Variants in EPHA6 observed in about 807,000 individuals in gnomAD.
EPHA6 encodes ephrin type-A receptor 6.
In EPHA6, 50 loss-of-function variants were observed where a neutral mutation model predicts 112.0. The observed-to-expected ratio is 0.45, with a 90% CI of 0.36 to 0.56. EPHA6 has a LOEUF of 0.56. EPHA6 is among the 20% of genes least tolerant of loss of function. The pLI is 0.00. For synonymous variants in EPHA6, 529 were observed against 490.7 expected (o/e 1.08, Z -1.03); for missense variants, 1,280 against 1,417.4 (o/e 0.90, Z 1.56).
chr3:97,574,271 G>A (rs961312421), intron 11 of EPHA6, among the ~76,000 whole-genome samples: 3 of 152,092 alleles, frequency 2.0e-5, no homozygotes, highest in African/African-American at 7.2e-5. Context: ...CTAATAGAAT[G>A]CTAATACCAT....
chr3:97,168,513 C>G (rs1370637324), intron 3 of EPHA6, among the ~76,000 whole-genome samples: 2 of 151,986 alleles, frequency 1.3e-5, no homozygotes, highest in Non-Finnish European at 2.9e-5. Flanking sequence ...CTTTTTCTCT[C>G]TCTGTGTTTC....
rs201543430 is a variant in EPHA6 at position 97,637,935 on chromosome 3, C to A, written c.2637C>A (p.Gly879=). 2.5e-6 allele frequency: 4 copies of A among 1,613,904 alleles called. No homozygotes were observed. The highest frequency in any genetic ancestry group is 1.7e-5 in the Admixed American group (1 of 60,012). ...GAATGCTCCGAGGCATTGCATCAGG[C>A]ATGAAGTATCTTTCTGATATGGGTT... is the stretch of plus-strand genomic sequence containing the variant. ...LVGMLRGIAS[G]MKYLSDMGYV... The change falls in exon 14 of 18, where the codon GGC becomes GGA. Residue 879 remains glycine (G), a synonymous_variant. Coordinates refer to ENST00000389672, the MANE Select transcript of EPHA6 (RefSeq NM_001080448.3).
chr3:97,616,867 C>T (rs538681614), intron 13 of EPHA6, among the ~76,000 whole-genome samples: 2 of 152,066 alleles, frequency 1.3e-5, no homozygotes, highest in African/African-American at 4.8e-5. Flanking sequence ...TTCAGAATAT[C>T]ATCCATGAGA....
At chr3:97,590,303 T>C (rs2093531166) in intron 11 of EPHA6, 2 of 152,112 alleles carry the variant, frequency 1.3e-5, no homozygotes, top group Admixed American at 1.3e-4. Flanking sequence ...AGCAGAGACA[T>C]TATGAATGAT....
chr3:97,548,319 T>G (rs2092985181), intron 11 of EPHA6, among the ~76,000 whole-genome samples: 1 of 152,214 alleles, frequency 6.6e-6, no homozygotes, highest in Non-Finnish European at 1.5e-5. Flanking sequence ...GGGCACATGA[T>G]GCCCACATGC....
At chr3:97,252,441 G>A (rs753246973) in intron 5 of EPHA6, among the ~76,000 whole-genome samples, 10 of 151,924 alleles carry the variant, frequency 6.6e-5, no homozygotes, top group Non-Finnish European at 1.3e-4. Context: ...GCGCGCGCAC[G>A]CACAGGCACA....
intron 3 of EPHA6, among the ~76,000 whole-genome samples, chr3:97,080,041 G>A (rs141189966): frequency 6.6e-6 from 1 of 152,134 alleles, no homozygotes; most frequent in East Asian, 1.9e-4. Context: ...TGTGTGACTT[G>A]CTTTATTGTG....
intron 11 of EPHA6, among the ~76,000 whole-genome samples, chr3:97,583,538 CAAA>C (rs561602490): frequency 1.0e-5 from 1 of 97,352 alleles, no homozygotes. Context: ...GACTCTGTCT[CAAA>C]AAAAAAAAAA....
At chr3:96,982,544 G>A (rs1294968746) in intron 2 of EPHA6, among the ~76,000 whole-genome samples, 1 of 152,156 alleles carries the variant, frequency 6.6e-6, no homozygotes, top group Non-Finnish European at 1.5e-5. Context: ...GATTTGGGAT[G>A]GAGAGTTCTG....
At chr3:97,310,140 C>A (rs1442945250) in intron 5 of EPHA6, among the ~76,000 whole-genome samples, 1 of 151,472 alleles carries the variant, frequency 6.6e-6, no homozygotes, top group Non-Finnish European at 1.5e-5. Context: ...ACTCCCACCC[C>A]CACAACTCCT....
At chr3:97,135,731 T>C (rs543611585) in intron 3 of EPHA6, among the ~76,000 whole-genome samples, 110 of 143,198 alleles carry the variant, frequency 7.7e-4, no homozygotes, top group African/African-American at 2.7e-3. Flanking sequence ...CTTATTTGAA[T>C]GGCAAGATTA....
chr3:97,756,839 T>G lies in EPHA6; in HGVS notation c.*8138T>G, dbSNP rs1391926741. On this transcript the variant is annotated 3_prime_UTR_variant, in exon 18 of 18. Coordinates refer to ENST00000389672, the MANE Select transcript of EPHA6 (RefSeq NM_001080448.3). Reference sequence around the variant, plus strand: ...TGATTTTGGATACATTATTATTCATTTTGTTAGTCACATTCCACCTTGGAT... The same window carrying G: ...TGATTTTGGATACATTATTATTCATGTTGTTAGTCACATTCCACCTTGGAT... 6.6e-6 allele frequency among the ~76,000 whole-genome samples: 1 copy of G among 151,860 alleles called. No individual in the cohort carries two copies. The highest frequency in any genetic ancestry group is 6.6e-5 in the Admixed American group (1 of 15,244).
intron 5 of EPHA6, among the ~76,000 whole-genome samples, chr3:97,388,095 A>G (rs1355551220): frequency 6.6e-6 from 1 of 152,172 alleles, no homozygotes; most frequent in Non-Finnish European, 1.5e-5. Context: ...CTCCTCCAAT[A>G]TCAAGGATTA....
intron 14 of EPHA6, among the ~76,000 whole-genome samples, chr3:97,678,358 G>T (rs2031578557): frequency 6.6e-6 from 1 of 152,148 alleles, no homozygotes; most frequent in Non-Finnish European, 1.5e-5. Flanking sequence ...TTGATGATGG[G>T]CCATGAGGTT....
intron 3 of EPHA6, among the ~76,000 whole-genome samples, chr3:96,993,663 C>T (rs2043302103): frequency 6.6e-6 from 1 of 152,164 alleles, no homozygotes; most frequent in African/African-American, 2.4e-5. Flanking sequence ...TTAATTAGGC[C>T]TGCTCTGCCT....
chr3:96,951,290 G>T (rs1189275347), intron 2 of EPHA6, among the ~76,000 whole-genome samples: 1 of 152,014 alleles, frequency 6.6e-6, no homozygotes, highest in African/African-American at 2.4e-5. Context: ...GTGACATAAA[G>T]AAATCAAAAT....
intron 3 of EPHA6, among the ~76,000 whole-genome samples, chr3:97,122,720 A>C (rs776498197): frequency 4.6e-5 from 7 of 152,020 alleles, no homozygotes; most frequent in Admixed American, 2.0e-4. Context: ...CTTATAAGTT[A>C]CTTCTGAAGA....
chr3:97,453,426 C>T (rs534144021), intron 7 of EPHA6, among the ~76,000 whole-genome samples: 8 of 151,762 alleles, frequency 5.3e-5, no homozygotes, highest in South Asian at 2.1e-4. Context: ...TTTAACAACA[C>T]GTAAATTTAA....
chr3:97,432,066 A>G (rs951234480), intron 6 of EPHA6, among the ~76,000 whole-genome samples: 25 of 152,130 alleles, frequency 1.6e-4, no homozygotes, highest in African/African-American at 6.0e-4. Flanking sequence ...GGCTATATAA[A>G]GATACCTCAA....
Sources: gnomAD v4.1 joint callset for allele counts (sites outside exome capture counted in the v4.1 genomes callset) on GRCh38, gnomAD v4.1.1 for gene constraint, MANE v1.5 for transcripts, NCBI Gene and HGNC (gene_info 2026-07-23, HGNC 2026-07-21) for gene names.